RNF220: variants seen among roughly 807,000 people sequenced by gnomAD.
The protein encoded by RNF220 is ring finger protein 220.
RNF220 carries 7 observed loss-of-function variants against 67.1 expected under a neutral mutation model. The observed-to-expected ratio is 0.10, with a 90% CI of 0.06 to 0.20. The LOEUF (loss-of-function observed/expected upper bound fraction) is 0.20, where lower values mean the gene tolerates loss of function less well. Ranked by LOEUF, RNF220 falls within the 10% of genes least tolerant of loss-of-function variation. RNF220 has a pLI of 1.00. For missense variants in RNF220, 565 were observed against 740.3 expected, an observed-to-expected ratio of 0.76 and a Z score of 2.75; for synonymous variants, 270 against 283.2, an observed-to-expected ratio of 0.95 and a Z score of 0.47.
At chr1:44,631,080 T>C (rs1644103071) in intron 5 of RNF220, among the ~76,000 whole-genome samples, 1 of 152,204 alleles carries the variant, frequency 6.6e-6, no homozygotes, top group African/African-American at 2.4e-5. Context: ...GGTACAACCA[T>C]GGAAGAACAA....
At chr1:44,617,915 T>C (rs1643629625) in intron 3 of RNF220, among the ~76,000 whole-genome samples, 1 of 145,462 alleles carries the variant, frequency 6.9e-6, no homozygotes, top group African/African-American at 2.6e-5. Context: ...CCCTGCTGAC[T>C]CCTCCCTCTT....
chr1:44,509,432 C>G (rs1658745929), intron 2 of RNF220, among the ~76,000 whole-genome samples: 1 of 151,954 alleles, frequency 6.6e-6, no homozygotes, highest in Non-Finnish European at 1.5e-5. Context: ...CGCCTGTAGT[C>G]CCAGCTACTT....
chr1:44,609,489 G>C (rs1223917196), intron 2 of RNF220, among the ~76,000 whole-genome samples: 1 of 152,218 alleles, frequency 6.6e-6, no homozygotes, highest in African/African-American at 2.4e-5. Flanking sequence ...GGAGGGGAGG[G>C]CTTTCCCTTT....
chr1:44,484,702 T>C (rs1656127571), intron 2 of RNF220, among the ~76,000 whole-genome samples: 1 of 152,142 alleles, frequency 6.6e-6, no homozygotes, highest in Non-Finnish European at 1.5e-5. Context: ...ACTGGGTCAA[T>C]CTGATTGTCT....
At chr1:44,431,383 C>T (rs1027247769) in intron 2 of RNF220, among the ~76,000 whole-genome samples, 3 of 150,736 alleles carry the variant, frequency 2.0e-5, no homozygotes, top group African/African-American at 4.9e-5. Context: ...CCAAGCTACT[C>T]GGGAGGCTGA....
rs962635157 is a variant in RNF220 at position 44,630,622 on chromosome 1, G to A, written c.907-1721G>A. On this transcript the variant is annotated intron_variant, in intron 5 of 14. Transcript: ENST00000361799. ...TATACATGATCAAAGAGAAGCAGTGGAACTGAAAACTCAGAGGAGGCATCA... is the reference window on the plus strand; with the variant it reads ...TATACATGATCAAAGAGAAGCAGTGAAACTGAAAACTCAGAGGAGGCATCA... Among the ~76,000 whole-genome samples the A allele has an allele frequency of 8.0e-5, 10 of 124,428 alleles. No individual in the cohort carries two copies. The South Asian group carries it at 2.4e-3, about 29-fold the overall frequency. The allele number at this position is 124,428 out of a possible 152,430, so 81.6% of individuals were successfully genotyped here.
In RNF220 at chr1:44,645,972, C is replaced by T. The variant is rs1017466763; in HGVS notation, c.1445+484C>T. Among the ~76,000 whole-genome samples, 5 of 152,244 alleles carry T rather than the reference C, an allele frequency of 3.3e-5. No individual in the cohort carries two copies. The highest frequency in any genetic ancestry group is 1.2e-4 in the African/African-American group (5 of 41,462). ...GCAGAGGAAAAGGGATCCATTAGCACTTTGCCCAGGGCTGAGCAACCCCTG... is the reference window on the plus strand; with the variant it reads ...GCAGAGGAAAAGGGATCCATTAGCATTTTGCCCAGGGCTGAGCAACCCCTG... On this transcript the variant is annotated intron_variant, in intron 12 of 14. Coordinates refer to ENST00000361799, the MANE Select transcript of RNF220 (RefSeq NM_018150.4). This position sits in a 1 kb window ranked among gnomAD's most constrained non-coding sequence, Gnocchi z 5.0.
In RNF220 at chr1:44,564,306, C is replaced by G. The variant is rs527261121; in HGVS notation, c.626-49859C>G. ...CTAACTCAGTGGTTTACAAAGTGGG[C>G]TGAACGTTGGACTCCCCTAGTTAGG... On this transcript the variant is annotated intron_variant, in intron 2 of 14. Transcript: ENST00000361799. Among the ~76,000 whole-genome samples the G allele has an allele frequency of 4.5e-4, 68 of 152,302 alleles. 1 individual carries two copies. The South Asian group carries it at 5.0e-3, about 11-fold the overall frequency.
intron 2 of RNF220, among the ~76,000 whole-genome samples, chr1:44,529,499 C>G (rs375169705): frequency 6.6e-6 from 1 of 152,026 alleles, no homozygotes; most frequent in Non-Finnish European, 1.5e-5. Context: ...CTCAGCCACT[C>G]GAGTAGCTGG....
At chr1:44,562,098 G>A (rs1401081991) in intron 2 of RNF220, among the ~76,000 whole-genome samples, 1 of 152,218 alleles carries the variant, frequency 6.6e-6, no homozygotes, top group African/African-American at 2.4e-5. Flanking sequence ...CAGTGCAGAA[G>A]AGGGGTTATC....
intron 12 of RNF220, among the ~76,000 whole-genome samples, chr1:44,647,282 G>A (rs1215956622): frequency 6.6e-6 from 1 of 152,162 alleles, no homozygotes; most frequent in Non-Finnish European, 1.5e-5. Context: ...TATAGGACTA[G>A]GCAAATTCTC....
chr1:44,518,852 G>T (rs1659671784), intron 2 of RNF220, among the ~76,000 whole-genome samples: 1 of 150,858 alleles, frequency 6.6e-6, no homozygotes, highest in South Asian at 2.1e-4. Context: ...TCTAGCCTGG[G>T]CAACAGAGCA....
chr1:44,480,346 G>A (rs1655683419), intron 2 of RNF220, among the ~76,000 whole-genome samples: 1 of 152,180 alleles, frequency 6.6e-6, no homozygotes, highest in Non-Finnish European at 1.5e-5. Context: ...CGTAAAGGCT[G>A]TGGTGAGCCC....
chr1:44,407,077 A>G (rs1647412373), intron 1 of RNF220, among the ~76,000 whole-genome samples: 1 of 152,100 alleles, frequency 6.6e-6, no homozygotes, highest in South Asian at 2.1e-4. Context: ...CGCGCGTCGC[A>G]CTGGGTGGGT....
chr1:44,563,727 A>G (rs1197352892), intron 2 of RNF220, among the ~76,000 whole-genome samples: 1 of 152,174 alleles, frequency 6.6e-6, no homozygotes, highest in East Asian at 1.9e-4. Context: ...TCCATATTTC[A>G]AAAGGTTGTT....
chr1:44,582,356 A>C (rs1338730529), intron 2 of RNF220, among the ~76,000 whole-genome samples: 1 of 152,172 alleles, frequency 6.6e-6, no homozygotes, highest in Non-Finnish European at 1.5e-5. Context: ...TCCAGTATTT[A>C]AAGGATGGGA....
chr1:44,495,421 T>C (rs192185528), intron 2 of RNF220, among the ~76,000 whole-genome samples: 31 of 152,326 alleles, frequency 2.0e-4, no homozygotes, highest in Admixed American at 1.8e-3. Flanking sequence ...GAATAGATAG[T>C]GTAATGGGAA....
intron 2 of RNF220, among the ~76,000 whole-genome samples, chr1:44,597,948 ACACCC>A (rs113237852): frequency 0.12 from 18,490 of 147,932 alleles, 1,631 homozygotes; most frequent in African/African-American, 0.24. Context: ...CTGTCTCCTC[ACACCC>A]CACCCCACCC....
intron 2 of RNF220, among the ~76,000 whole-genome samples, chr1:44,436,498 G>T (rs1057448596): frequency 1.3e-5 from 2 of 152,136 alleles, no homozygotes; most frequent in African/African-American, 2.4e-5. Flanking sequence ...CCAGGGGAGG[G>T]ACTTGCAGAG....
Sources: allele counts gnomAD v4.1 joint callset (sites outside exome capture counted in the v4.1 genomes callset), GRCh38; gene constraint gnomAD v4.1.1; non-coding constraint Gnocchi (gnomAD v3.1); transcripts MANE v1.5; gene names NCBI Gene and HGNC (gene_info 2026-07-23, HGNC 2026-07-21).